SEMA3A: variants seen among roughly 807,000 people sequenced by gnomAD.
SEMA3A encodes semaphorin-3A.
Under a neutral mutation model 97.9 loss-of-function variants are expected in SEMA3A, and 29 were observed. The ratio of observed to expected loss-of-function variants is 0.30; its 90% CI spans 0.22 to 0.40. The LOEUF (loss-of-function observed/expected upper bound fraction) is 0.40. Among genes scored for constraint, SEMA3A ranks in the 10% least tolerant of loss-of-function variants. The probability of loss-of-function intolerance (pLI) is 1.00; values close to 1 mark genes in which losing one functional copy is unlikely to be tolerated. For missense variants in SEMA3A, 763 were observed against 951.3 expected (o/e 0.80, Z 2.60); for synonymous variants, 321 against 323.7 (o/e 0.99, Z 0.09).
intron 4 of SEMA3A, among the ~76,000 whole-genome samples, chr7:84,076,487 AC>A (rs1793954419): frequency 6.6e-6 from 1 of 152,138 alleles, no homozygotes; most frequent in Non-Finnish European, 1.5e-5. Flanking sequence ...CAACTATGCT[AC>A]TTTATTGATA....
chr7:84,451,704 G>A (rs78154058), intron 1 of SEMA3A, among the ~76,000 whole-genome samples: 140 of 152,152 alleles, frequency 9.2e-4, no homozygotes, highest in East Asian at 8.1e-3. Flanking sequence ...CAGAAAATAC[G>A]CCTTGACAAA....
chr7:84,005,070 C>A (rs1261343877), intron 11 of SEMA3A, among the ~76,000 whole-genome samples: 1 of 152,126 alleles, frequency 6.6e-6, no homozygotes, highest in Non-Finnish European at 1.5e-5. Flanking sequence ...ACTTCCTTTT[C>A]TCTAGCTTGT....
At chr7:84,326,217 T>G (rs929800866) in intron 2 of SEMA3A, among the ~76,000 whole-genome samples, 1 of 152,136 alleles carries the variant, frequency 6.6e-6, no homozygotes, top group African/African-American at 2.4e-5. Context: ...GCTTTTACAA[T>G]AGTTTAGAGG....
At chr7:84,228,115 T>C (rs1399331069) in intron 3 of SEMA3A, among the ~76,000 whole-genome samples, 3 of 151,984 alleles carry the variant, frequency 2.0e-5, no homozygotes, top group African/African-American at 7.3e-5. Flanking sequence ...AACATAGATG[T>C]ACTCTAAAAA....
chr7:84,300,809 C>T (rs527697564), intron 3 of SEMA3A, among the ~76,000 whole-genome samples: 29 of 151,904 alleles, frequency 1.9e-4, no homozygotes, highest in Admixed American at 9.8e-4. Context: ...CTTGGTGCAT[C>T]GAGATAATGC....
intron 3 of SEMA3A, among the ~76,000 whole-genome samples, chr7:84,272,877 C>T (rs181071472): frequency 2.0e-4 from 31 of 152,102 alleles, no homozygotes; most frequent in Admixed American, 3.9e-4. Flanking sequence ...GAAATGTAAA[C>T]GCAATTATTT....
At chr7:84,335,148 G>C (rs1488118648) in intron 2 of SEMA3A, among the ~76,000 whole-genome samples, 1 of 151,940 alleles carries the variant, frequency 6.6e-6, no homozygotes, top group Admixed American at 6.6e-5. Flanking sequence ...TAAATTACTA[G>C]AATTTCCTAT....
At chr7:84,357,644 T>C (rs1034662659) in intron 2 of SEMA3A, among the ~76,000 whole-genome samples, 7 of 152,088 alleles carry the variant, frequency 4.6e-5, no homozygotes, top group Admixed American at 2.0e-4. Flanking sequence ...CCTTTGGGTA[T>C]ATACCCAGTA....
intron 3 of SEMA3A, among the ~76,000 whole-genome samples, chr7:84,258,396 T>C (rs1799764252): frequency 6.6e-6 from 1 of 152,144 alleles, no homozygotes; most frequent in East Asian, 1.9e-4. Context: ...GGGAATTCTT[T>C]CCCACCATAT....
At chr7:84,408,725 TG>T (rs1804177680) in intron 1 of SEMA3A, among the ~76,000 whole-genome samples, 1 of 150,610 alleles carries the variant, frequency 6.6e-6, no homozygotes, top group African/African-American at 2.5e-5. Context: ...AAAAAAATGA[TG>T]AGTTCATGTC....
chr7:84,039,978 T>G (rs1425750387), intron 6 of SEMA3A, among the ~76,000 whole-genome samples: 1 of 152,030 alleles, frequency 6.6e-6, no homozygotes. Context: ...GAGAATTATA[T>G]CTTATATAAT....
chr7:84,001,715 A>G (rs1353560804), intron 12 of SEMA3A, among the ~76,000 whole-genome samples: 3 of 152,144 alleles, frequency 2.0e-5, no homozygotes, highest in African/African-American at 7.2e-5. Context: ...TGTAAATAAT[A>G]TATTTTATCA....
intron 1 of SEMA3A, among the ~76,000 whole-genome samples, chr7:84,426,556 T>C (rs71558730): frequency 7.9e-5 from 12 of 152,106 alleles, no homozygotes; most frequent in African/African-American, 1.4e-4. Flanking sequence ...AAGTAGTTTG[T>C]TTTATAACTT....
At chr7:84,366,534 A>G (rs901787890) in intron 2 of SEMA3A, among the ~76,000 whole-genome samples, 1 of 151,452 alleles carries the variant, frequency 6.6e-6, no homozygotes, top group African/African-American at 2.4e-5. Context: ...ACTGTAGTGG[A>G]AAATGGATTC....
At chr7:84,085,069 G>A (rs928839697) in intron 4 of SEMA3A, among the ~76,000 whole-genome samples, 2 of 134,694 alleles carry the variant, frequency 1.5e-5, no homozygotes, top group African/African-American at 6.3e-5. Flanking sequence ...AATGGTAAGA[G>A]AATTTTTTTT....
At chr7:84,147,664 ATGAG>A (rs1360437646) in intron 1 of SEMA3A, among the ~76,000 whole-genome samples, 1 of 152,166 alleles carries the variant, frequency 6.6e-6, no homozygotes, top group Non-Finnish European at 1.5e-5. Context: ...TACTGAATGA[ATGAG>A]TAAATGAATT....
intron 1 of SEMA3A, among the ~76,000 whole-genome samples, chr7:84,410,551 G>T (rs1219762500): frequency 6.6e-6 from 1 of 152,202 alleles, no homozygotes; most frequent in Non-Finnish European, 1.5e-5. Flanking sequence ...TTCCAATAAA[G>T]GAATAGAGTG....
intron 1 of SEMA3A, among the ~76,000 whole-genome samples, chr7:84,143,945 TCTCTAA>T (rs1308892305): frequency 1.8e-5 from 2 of 110,348 alleles, no homozygotes; most frequent in South Asian, 2.9e-4. Context: ...TCTCTCTCTC[TCTCTAA>T]CACACACACA....
intron 4 of SEMA3A, among the ~76,000 whole-genome samples, chr7:84,063,120 T>C (rs1157308203): frequency 7.9e-5 from 12 of 150,998 alleles, no homozygotes; most frequent in East Asian, 3.9e-4. Flanking sequence ...CCCTGACCCC[T>C]AAGCAACCTA....
Sources: gnomAD v4.1 joint callset for allele counts (sites outside exome capture counted in the v4.1 genomes callset) on GRCh38, gnomAD v4.1.1 for gene constraint, MANE v1.5 for transcripts, NCBI Gene and HGNC (gene_info 2026-07-23, HGNC 2026-07-21) for gene names.